The following LRRK1 variants were observed in gnomAD, a reference collection of about 807,000 sequenced individuals.
The protein encoded by LRRK1 is leucine rich repeat kinase 1.
A neutral mutation model predicts 209.1 loss-of-function variants in LRRK1; 113 were observed. The observed-to-expected ratio is 0.54, with a 90% CI of 0.46 to 0.63. LRRK1 has a LOEUF of 0.63. LRRK1 is among the 30% of genes least tolerant of loss of function. LRRK1 has a pLI of 0.00. For synonymous variants in LRRK1, 1,144 were observed against 1,099.7 expected, an observed-to-expected ratio of 1.04 and a Z score of -0.80; for missense variants, 2,284 against 2,632.2, an observed-to-expected ratio of 0.87 and a Z score of 2.89.
At position 101,027,149 on chromosome 15, in the gene LRRK1, G is replaced by A. The variant is rs72766813; in HGVS notation, c.2406-112G>A. ...ATAAACTTCTTGTGTTGTCTTTCAC[G>A]AGTTCTCCAGACTTGCCAGCGTTCA... On this transcript the variant is annotated intron_variant, in intron 17 of 33. Transcript: ENST00000388948. The surrounding 1 kb of genome is among the most constrained non-coding windows in gnomAD (Gnocchi z 5.1). The A allele has an allele frequency of 0.017, 23,662 of 1,361,760 alleles. 304 individuals are homozygous for A. The highest frequency in any genetic ancestry group is 0.034 in the Middle Eastern group (184 of 5,390). The allele number at this position is 1,361,760 out of a possible 1,614,324, so 84.4% of individuals were successfully genotyped here.
At chr15:100,998,029 A>T (rs2141679129) in intron 6 of LRRK1, among the ~76,000 whole-genome samples, 1 of 152,214 alleles carries the variant, frequency 6.6e-6, no homozygotes, top group African/African-American at 2.4e-5. Context: ...TAAAAATACA[A>T]ACATGAGTTG....
chr15:101,057,066 G>A lies in LRRK1; in HGVS notation c.4527+16G>A, dbSNP rs1567277219. Reference sequence around the variant, plus strand: ...GCCAGAGAAGGTACTTGGGGACACAGAGCCCAGGGCCTGGGACCTCCTGCC... The same window carrying A: ...GCCAGAGAAGGTACTTGGGGACACAAAGCCCAGGGCCTGGGACCTCCTGCC... On this transcript the variant is annotated intron_variant, in intron 28 of 33. Coordinates refer to ENST00000388948, the MANE Select transcript of LRRK1 (RefSeq NM_024652.6). 5 of 1,577,720 alleles carry A rather than the reference G, an allele frequency of 3.2e-6. No homozygotes were observed. Among genetic ancestry groups the A allele is most frequent in the Non-Finnish European group, 4.3e-6 (5 of 1,160,772 alleles).
At chr15:100,960,871 G>T (rs1175845100) in intron 2 of LRRK1, among the ~76,000 whole-genome samples, 1 of 152,172 alleles carries the variant, frequency 6.6e-6, no homozygotes, top group African/African-American at 2.4e-5. Flanking sequence ...TTAATGGAGG[G>T]ATTGGTTTCC....
chr15:101,037,922 A>G (rs1205741993), intron 20 of LRRK1, among the ~76,000 whole-genome samples: 1 of 152,252 alleles, frequency 6.6e-6, no homozygotes, highest in Non-Finnish European at 1.5e-5. Context: ...TTGCACACAC[A>G]TGTTTATAAC....
rs2034651779 is a variant in LRRK1, at chr15:101,039,651, T to C, written c.2964-6330T>C. ...TAGAAGGGATGAGAGAAGGCGTCAT[T>C]CTGTGTGATCTCAGGGGGGAAGCAT... On this transcript the variant is annotated intron_variant, in intron 20 of 33. Coordinates refer to ENST00000388948, the MANE Select transcript of LRRK1 (RefSeq NM_024652.6). Among the ~76,000 whole-genome samples, 4 of 152,348 alleles carry C rather than the reference T, an allele frequency of 2.6e-5. 1 individual carries two copies. The South Asian group carries it at 8.3e-4, about 32-fold the overall frequency.
At chr15:100,975,288 G>A (rs2031225874) in intron 3 of LRRK1, among the ~76,000 whole-genome samples, 1 of 152,258 alleles carries the variant, frequency 6.6e-6, no homozygotes, top group African/African-American at 2.4e-5. Context: ...TTCCAGAGCT[G>A]TGCAGATTCA....
rs562690161 is a variant in LRRK1 at position 100,999,466 on chromosome 15, A to G, written c.763-9371A>G. On this transcript the variant is annotated intron_variant, in intron 6 of 33. Coordinates refer to ENST00000388948, the MANE Select transcript of LRRK1 (RefSeq NM_024652.6). Reference sequence around the variant, plus strand: ...GTCTTTGTTCAGACCCTACCTGGCCAGAGAACTTAACTCTCTGAGTTTAGT... The same window carrying G: ...GTCTTTGTTCAGACCCTACCTGGCCGGAGAACTTAACTCTCTGAGTTTAGT... 2.0e-5 allele frequency among the ~76,000 whole-genome samples: 3 copies of G among 152,324 alleles called. No individual in the cohort carries two copies. In the South Asian group the frequency reaches 6.2e-4, roughly 32 times the overall value.
At chr15:101,045,418 TATG>T (rs2035015669) in intron 20 of LRRK1, among the ~76,000 whole-genome samples, 1 of 152,246 alleles carries the variant, frequency 6.6e-6, no homozygotes, top group Non-Finnish European at 1.5e-5. Context: ...GCAGCATTTT[TATG>T]ATGACCGAGA....
chr15:101,054,098 C>T (rs915112355), intron 26 of LRRK1, among the ~76,000 whole-genome samples: 2 of 152,160 alleles, frequency 1.3e-5, no homozygotes, highest in African/African-American at 2.4e-5. Context: ...CCCACCGCAA[C>T]TTCCCGAGTA....
intron 6 of LRRK1, among the ~76,000 whole-genome samples, chr15:100,992,120 T>G (rs2032180954): frequency 6.6e-6 from 1 of 152,196 alleles, no homozygotes; most frequent in South Asian, 2.1e-4. Flanking sequence ...GGTGAATTGA[T>G]CTATAATTTT....
chr15:100,966,763 CA>C (rs2030489697), intron 2 of LRRK1, among the ~76,000 whole-genome samples: 1 of 152,194 alleles, frequency 6.6e-6, no homozygotes, highest in Non-Finnish European at 1.5e-5. Flanking sequence ...ATAAACACCA[CA>C]ACATTTTTAT....
chr15:101,027,892 C>A lies in LRRK1; in HGVS notation c.2686+95C>A. The A allele has an allele frequency of 8.6e-7, 1 of 1,159,448 alleles. No homozygotes were observed. The highest frequency in any genetic ancestry group is 2.6e-5 in the East Asian group (1 of 37,752). 71.8% of individuals were successfully genotyped at this position (1,159,448 alleles called of 1,614,324 possible). A position where few individuals can be genotyped will look rare whatever the true frequency, so the allele number is the denominator to read the frequency against. On this transcript the variant is annotated intron_variant, in intron 19 of 33. Transcript: ENST00000388948. This position sits in a 1 kb window ranked among gnomAD's most constrained non-coding sequence, Gnocchi z 5.1. ...CTTGGCCTCAGTAATGAATGAGAGA[C>A]CGACACCCAGCCTGCGTTTCTGCCT... is the stretch of plus-strand genomic sequence containing the variant.
chr15:100,956,455 C>CTTTTTCTTTTATTTTTTTTTT, intron 2 of LRRK1, among the ~76,000 whole-genome samples: 2 of 60,522 alleles, frequency 3.3e-5, no homozygotes, highest in South Asian at 5.6e-4. Context: ...TTTTTTTTTT[C>CTTTTTCTTTTATTTTTTTTTT]TTTTTTTTTT....
intron 20 of LRRK1, among the ~76,000 whole-genome samples, chr15:101,039,569 A>AT: frequency 6.6e-6 from 1 of 152,020 alleles, no homozygotes; most frequent in African/African-American, 2.4e-5. Flanking sequence ...ATCTTCACAT[A>AT]TTTTTTTGCT....
intron 2 of LRRK1, among the ~76,000 whole-genome samples, chr15:100,932,896 T>G (rs903860783): frequency 7.2e-5 from 11 of 152,170 alleles, no homozygotes; most frequent in African/African-American, 2.7e-4. Flanking sequence ...CTAGGTTACA[T>G]TTGTGACTTT....
intron 2 of LRRK1, among the ~76,000 whole-genome samples, chr15:100,946,732 T>G (rs1231432090): frequency 6.6e-6 from 1 of 152,080 alleles, no homozygotes; most frequent in Non-Finnish European, 1.5e-5. Context: ...ACTAAACAGT[T>G]TTGGAGTAAA....
At chr15:100,963,075 G>A (rs1002902388) in intron 2 of LRRK1, among the ~76,000 whole-genome samples, 3 of 151,104 alleles carry the variant, frequency 2.0e-5, no homozygotes, top group Non-Finnish European at 2.9e-5. Context: ...TGCCGGCCTC[G>A]GCCTCCCAAA....
intron 20 of LRRK1, among the ~76,000 whole-genome samples, chr15:101,044,568 C>G (rs1401429052): frequency 6.6e-6 from 1 of 152,238 alleles, no homozygotes; most frequent in Non-Finnish European, 1.5e-5. Flanking sequence ...GCTTCTGTGG[C>G]CACTCAGGAT....
At chr15:100,956,455 C>CTTTTTTTTTTTTTTTTTTTTTTTTTT (rs776326423) in intron 2 of LRRK1, among the ~76,000 whole-genome samples, 1 of 60,534 alleles carries the variant, frequency 1.7e-5, no homozygotes, top group Non-Finnish European at 2.9e-5. Context: ...TTTTTTTTTT[C>CTTTTTTTTTTTTTTTTTTTTTTTTTT]TTTTTTTTTT....
Sources: allele counts gnomAD v4.1 joint callset (sites outside exome capture counted in the v4.1 genomes callset), GRCh38; gene constraint gnomAD v4.1.1; non-coding constraint Gnocchi (gnomAD v3.1); transcripts MANE v1.5; gene names NCBI Gene and HGNC (gene_info 2026-07-23, HGNC 2026-07-21).